Variants in MYCBP2 observed in about 807,000 individuals in gnomAD.
The protein encoded by MYCBP2 is E3 ubiquitin-protein ligase MYCBP2.
A neutral mutation model predicts 525.3 loss-of-function variants in MYCBP2; 120 were observed. The ratio of observed to expected loss-of-function variants is 0.23; its 90% CI spans 0.20 to 0.27. The LOEUF is 0.27. Ranked by LOEUF, MYCBP2 falls within the 10% of genes least tolerant of loss-of-function variation. The pLI is 1.00. For synonymous variants in MYCBP2, 1,894 were observed against 1,955.8 expected (o/e 0.97, Z 0.83); for missense variants, 4,149 against 5,657.1 (o/e 0.73, Z 8.55).
At chr13:77,119,788 G>C (rs920047717) in intron 55 of MYCBP2, among the ~76,000 whole-genome samples, 1 of 152,198 alleles carries the variant, frequency 6.6e-6, no homozygotes, top group Non-Finnish European at 1.5e-5. Context: ...TCACAGGCAC[G>C]ACTATAGCAG....
At chr13:77,250,222 CAA>C (rs34137754) in intron 15 of MYCBP2, among the ~76,000 whole-genome samples, 6 of 125,178 alleles carry the variant, frequency 4.8e-5, no homozygotes, top group East Asian at 2.5e-4. Flanking sequence ...GACTCCGTCT[CAA>C]AAAAAAAAAA....
chr13:77,175,748 G>A (rs1180907822), intron 36 of MYCBP2, among the ~76,000 whole-genome samples: 3 of 152,028 alleles, frequency 2.0e-5, no homozygotes, highest in East Asian at 1.9e-4. Flanking sequence ...ATCACTTGAG[G>A]GCAGGAGTTC....
At chr13:77,177,420 C>A (rs542380745) in intron 35 of MYCBP2, among the ~76,000 whole-genome samples, 1 of 149,268 alleles carries the variant, frequency 6.7e-6, no homozygotes, top group South Asian at 2.1e-4. Context: ...TGGCTCACTG[C>A]AGCCTCAACC....
chr13:77,223,393 A>T (rs1023140545), intron 20 of MYCBP2, among the ~76,000 whole-genome samples: 3 of 152,136 alleles, frequency 2.0e-5, no homozygotes, highest in African/African-American at 7.2e-5. Flanking sequence ...TCAAAACTAC[A>T]TGTATCTAAT....
chr13:77,305,276 T>C (rs971728521), intron 1 of MYCBP2, among the ~76,000 whole-genome samples: 2 of 151,916 alleles, frequency 1.3e-5, no homozygotes, highest in South Asian at 2.1e-4. Flanking sequence ...AGCCAAAAAA[T>C]AGCAACAACC....
chr13:77,278,930 T>A lies in MYCBP2; in HGVS notation c.595-19A>T. The A allele has an allele frequency of 6.6e-7, 1 of 1,519,952 alleles. No individual in the cohort carries two copies. The allele number at this position is 1,519,952 out of a possible 1,614,324, so 94.2% of individuals were successfully genotyped here. A position where few individuals can be genotyped will look rare whatever the true frequency, so the allele number is the denominator to read the frequency against. On this transcript the variant is annotated intron_variant, in intron 3 of 82. Coordinates refer to ENST00000544440, the MANE Select transcript of MYCBP2 (RefSeq NM_015057.5). ...CAATAATCTATTTAAAAGGAAAAAA[T>A]ATATATACTTTATGACATGTAAGCT...
intron 8 of MYCBP2, 63 bp from the exon 9 acceptor site, chr13:77,264,065 T>C: frequency 1.5e-6 from 2 of 1,367,172 alleles, no homozygotes; most frequent in Non-Finnish European, 2.0e-6. Context: ...ATGAATTTAC[T>C]CCTCTGTTGA....
chr13:77,073,081 C>T (rs554837041), intron 68 of MYCBP2, among the ~76,000 whole-genome samples: 3 of 152,106 alleles, frequency 2.0e-5, no homozygotes, highest in South Asian at 2.1e-4. Flanking sequence ...GTGCAACTAT[C>T]GTCGTCAGTC....
intron 17 of MYCBP2, among the ~76,000 whole-genome samples, chr13:77,237,438 T>C (rs953008940): frequency 3.9e-5 from 6 of 152,000 alleles, no homozygotes; most frequent in Admixed American, 2.6e-4. Context: ...AATGGGAAGG[T>C]AGGGGTACAA....
chr13:77,061,068 A>G, intron 76 of MYCBP2, 101 bp downstream of exon 76: 1 of 1,247,768 alleles, frequency 8.0e-7, no homozygotes, highest in Admixed American at 2.6e-5. Context: ...ATAATTAAAC[A>G]TCAGAATATC....
chr13:77,308,402 A>G (rs768548390), intron 1 of MYCBP2, among the ~76,000 whole-genome samples: 2 of 152,206 alleles, frequency 1.3e-5, no homozygotes, highest in African/African-American at 2.4e-5. Context: ...CAGAATTTAG[A>G]AACAAATGAC....
chr13:77,163,818 T>A (rs1307009353), intron 43 of MYCBP2, among the ~76,000 whole-genome samples: 4 of 152,152 alleles, frequency 2.6e-5, no homozygotes, highest in Admixed American at 2.6e-4. Flanking sequence ...TCAAGTCCAA[T>A]GATAGATTTT....
chr13:77,308,233 G>A (rs1263569035), intron 1 of MYCBP2, among the ~76,000 whole-genome samples: 1 of 152,068 alleles, frequency 6.6e-6, no homozygotes, highest in Non-Finnish European at 1.5e-5. Context: ...ATAAAATAGA[G>A]ACACCATTAC....
chr13:77,267,005 T>C (rs2154341880), intron 8 of MYCBP2, among the ~76,000 whole-genome samples: 1 of 152,190 alleles, frequency 6.6e-6, no homozygotes, highest in Middle Eastern at 3.4e-3. Flanking sequence ...ATTATTCTTC[T>C]CAATGCACTC....
At chr13:77,126,661 T>C in intron 52 of MYCBP2, 119 bp from the exon 53 acceptor site, 4 of 633,270 alleles carry the variant, frequency 6.3e-6, no homozygotes, top group Non-Finnish European at 7.9e-6. Context: ...AAAAAACACA[T>C]AACTAAAGAT....
At position 77,206,658 on chromosome 13, in the gene MYCBP2, A is replaced by G; in HGVS notation, c.3584T>C (p.Ile1195Thr). The change falls in exon 24 of 83, where the codon ATT (isoleucine) becomes ACT (threonine). Residue 1195 changes from isoleucine (I) to threonine (T), a missense_variant. Around this residue, in one of 21 missense-constraint regions of MYCBP2, gnomAD observed 620 missense variants for 795.5 expected, o/e 0.78. Transcript: ENST00000544440. ...LTTRSHAALH[I>T]LGCLDTLAAM... is the part of the protein sequence containing the mutation. The stretch of plus-strand genomic sequence containing the variant: ...ACATCAAATCGCAACCCTACCTAAA[A>G]TGTGCAAAGCTGCATGAGATCGGGT... 1 of 1,581,910 alleles carries G rather than the reference A, an allele frequency of 6.3e-7. No individual in the cohort carries two copies. Among genetic ancestry groups the G allele is most frequent in the East Asian group, 2.3e-5 (1 of 44,398 alleles).
Position 77,180,117 on chromosome 13 carries a change from A to G in MYCBP2, c.5133+10T>C. 2 of 1,593,784 alleles carry G rather than the reference A, an allele frequency of 1.3e-6. No individual in the cohort carries two copies. The highest frequency in any genetic ancestry group is 1.7e-6 in the Non-Finnish European group (2 of 1,168,750). On this transcript the variant is annotated intron_variant, in intron 34 of 82. Coordinates refer to ENST00000544440, the MANE Select transcript of MYCBP2 (RefSeq NM_015057.5). Reference sequence around the variant, plus strand: ...TGCTTTTTATCCAGTGTCAAAATATAATGTATTACCTCAGATCCCAGGGCT... The same window carrying G: ...TGCTTTTTATCCAGTGTCAAAATATGATGTATTACCTCAGATCCCAGGGCT...
At chr13:77,090,061 G>GTAGTAGTCAGATCACTCAATA in intron 60 of MYCBP2, 45 bp downstream of exon 60, 1 of 1,488,022 alleles carries the variant, frequency 6.7e-7, no homozygotes, top group South Asian at 1.4e-5. Flanking sequence ...TTTTTTATTT[G>GTAGTAGTCAGATCACTCAATA]TAGTAGTCAG....
chr13:77,117,287 A>G (rs1299801701), intron 55 of MYCBP2, among the ~76,000 whole-genome samples: 1 of 152,086 alleles, frequency 6.6e-6, no homozygotes, highest in African/African-American at 2.4e-5. Flanking sequence ...GAACATGATA[A>G]GCTAGAAATT....
Sources: gnomAD v4.1 joint callset for allele counts (sites outside exome capture counted in the v4.1 genomes callset) on GRCh38, gnomAD v4.1.1 for gene constraint, gnomAD v4.1.1 regional missense constraint, MANE v1.5 for transcripts, NCBI Gene and HGNC (gene_info 2026-07-23, HGNC 2026-07-21) for gene names.